SDK1: variants seen among roughly 807,000 people sequenced by gnomAD.
SDK1 encodes protein sidekick-1.
SDK1 carries 157 observed loss-of-function variants against 245.5 expected under a neutral mutation model. The observed-to-expected ratio is 0.64, with a 90% CI of 0.56 to 0.73. The LOEUF (loss-of-function observed/expected upper bound fraction) is 0.73, where lower values mean the gene tolerates loss of function less well. Ranked by LOEUF, SDK1 falls within the 30% of genes least tolerant of loss-of-function variation. SDK1 has a pLI of 0.00. For missense variants in SDK1, 3,583 were observed against 3,002.3 expected (o/e 1.19, Z -4.52); for synonymous variants, 1,647 against 1,278.5 (o/e 1.29, Z -6.15).
intron 32 of SDK1, among the ~76,000 whole-genome samples, chr7:4,169,304 C>G (rs1301835103): frequency 1.3e-5 from 2 of 152,198 alleles, no homozygotes; most frequent in Non-Finnish European, 2.9e-5. Context: ...TGACCCGGCA[C>G]TTGGGCTAGT....
Position 4,158,562 on chromosome 7 carries a change from C to T in SDK1, c.4729+11C>T, listed in dbSNP as rs371870618. 1.9e-4 allele frequency: 309 copies of T among 1,600,534 alleles called. No homozygotes were observed. The highest frequency in any genetic ancestry group is 2.4e-4 in the Non-Finnish European group (279 of 1,168,716). ...CCACGCTGCAGGATGGTGAGCAACC[C>T]GGGGCCCAGACCGCGTTCCTGGCCG... On this transcript the variant is annotated intron_variant, in intron 31 of 44. Transcript: ENST00000404826.
chr7:3,642,757 C>A (rs551341881), intron 4 of SDK1: 1 of 152,178 alleles, frequency 6.6e-6, no homozygotes, highest in Non-Finnish European at 1.5e-5. Context: ...TTAAAAAGAA[C>A]ACTTGGTATA....
intron 4 of SDK1, among the ~76,000 whole-genome samples, chr7:3,816,720 G>C (rs988380647): frequency 4.6e-5 from 7 of 152,210 alleles, no homozygotes; most frequent in Non-Finnish European, 8.8e-5. Context: ...GCTAAGGAAA[G>C]TTCATCAGTT....
intron 1 of SDK1, among the ~76,000 whole-genome samples, chr7:3,568,845 A>T (rs1780010161): frequency 2.0e-5 from 3 of 152,216 alleles, no homozygotes; most frequent in African/African-American, 4.8e-5. Flanking sequence ...TTTTGCCCCT[A>T]GCTAGGAGCA....
At chr7:3,772,308 T>A (rs73306124) in intron 4 of SDK1, among the ~76,000 whole-genome samples, 1,589 of 152,236 alleles carry the variant, frequency 0.01, 27 homozygotes, top group African/African-American at 0.036. Context: ...TGACATTTGG[T>A]ATCCTAAAGT....
chr7:4,141,671 G>T lies in SDK1; in HGVS notation c.4229-4051G>T, dbSNP rs115257010. 2.5e-3 allele frequency among the ~76,000 whole-genome samples: 379 copies of T among 152,322 alleles called. 1 individual carries two copies. The highest frequency in any genetic ancestry group is 8.9e-3 in the African/African-American group (370 of 41,572). The stretch of plus-strand genomic sequence containing the variant: ...GTTCCTGGCCATCGGGGATGCTGGG[G>T]AAGGCCCTCGTTAGTCGTCTGTCGG... On this transcript the variant is annotated intron_variant, in intron 28 of 44. Transcript: ENST00000404826.
At chr7:3,933,410 G>A (rs908143675) in intron 5 of SDK1, among the ~76,000 whole-genome samples, 1 of 152,170 alleles carries the variant, frequency 6.6e-6, no homozygotes, top group African/African-American at 2.4e-5. Context: ...GCTGCACCCA[G>A]CTGATCCTGG....
intron 4 of SDK1, among the ~76,000 whole-genome samples, chr7:3,820,549 A>G: frequency 6.6e-6 from 1 of 152,210 alleles, no homozygotes; most frequent in East Asian, 1.9e-4. Context: ...CCCATTTCAA[A>G]TAAAAGTTCC....
chr7:4,098,320 C>G lies in SDK1; in HGVS notation c.3325-12343C>G, dbSNP rs537185400. Among the ~76,000 whole-genome samples, 3 of 152,286 alleles carry G rather than the reference C, an allele frequency of 2.0e-5. No homozygotes were observed. In the South Asian group the frequency reaches 6.2e-4, roughly 32 times the overall value. On this transcript the variant is annotated intron_variant, in intron 22 of 44. Transcript: ENST00000404826. The stretch of plus-strand genomic sequence containing the variant: ...AATAGAGGTCAACGTATATATAAAT[C>G]ACAACCGTCAAACCAAATTAAATTT...
chr7:4,050,800 T>C (rs981024566), intron 18 of SDK1, among the ~76,000 whole-genome samples: 3 of 150,124 alleles, frequency 2.0e-5, no homozygotes, highest in Non-Finnish European at 3.0e-5. Flanking sequence ...CATTGTGCTG[T>C]TTCAGCTGAA....
At position 3,974,561 on chromosome 7, in the gene SDK1, T is replaced by C. The variant is rs754644286; in HGVS notation, c.1994+16T>C. The C allele has an allele frequency of 5.6e-6, 9 of 1,612,350 alleles. No homozygotes were observed. The highest frequency in any genetic ancestry group is 6.8e-6 in the Non-Finnish European group (8 of 1,178,750). On this transcript the variant is annotated intron_variant, in intron 13 of 44. Coordinates refer to ENST00000404826, the MANE Select transcript of SDK1 (RefSeq NM_152744.4). ...TGGAAGTGATGTGAGTACTGAGACG[T>C]TTGGTGTTAGCCAGTCCGCGGTTTT...
Position 4,012,148 on chromosome 7 carries a change from G to C in SDK1, c.2333G>C (p.Ser778Thr). Residue 778 changes from serine (S) to threonine (T), a missense_variant, in exon 16 of 45, where the codon AGT (serine) becomes ACT (threonine). By Grantham distance (58) the Ser-to-Thr change is moderately conservative. Coordinates refer to ENST00000404826, the MANE Select transcript of SDK1 (RefSeq NM_152744.4). ...PSAPPKNIVA[S>T]GRTNQSIMVQ... is the part of the protein sequence containing the mutation. ...GCTCCCCCGAAAAATATAGTGGCCA[G>C]TGGGCGGACTAATCAGTCCATTATG... 1.9e-6 allele frequency: 3 copies of C among 1,579,072 alleles called. No individual in the cohort carries two copies. Among genetic ancestry groups the C allele is most frequent in the Non-Finnish European group, 2.6e-6 (3 of 1,162,960 alleles).
chr7:4,198,301 G>A (rs137958121), intron 35 of SDK1, among the ~76,000 whole-genome samples: 1 of 152,298 alleles, frequency 6.6e-6, no homozygotes, highest in East Asian at 1.9e-4. Context: ...AGTTCCCACT[G>A]CACCCCTGAC....
At chr7:4,224,824 T>C (rs1785329290) in intron 40 of SDK1, among the ~76,000 whole-genome samples, 1 of 150,276 alleles carries the variant, frequency 6.7e-6, no homozygotes. Flanking sequence ...GTACTACAAA[T>C]AGAAAAAAAT....
chr7:3,791,047 G>C lies in SDK1; in HGVS notation c.714-30403G>C, dbSNP rs187044498. ...GCTTCAGTATCCTCATCGGTAAATT[G>C]GGTCTAACAGCAGTGCCTAGTTCCT... On this transcript the variant is annotated intron_variant, in intron 4 of 44. Transcript: ENST00000404826. Among the ~76,000 whole-genome samples the C allele has an allele frequency of 1.2e-3, 186 of 152,120 alleles. 1 individual carries two copies. The Middle Eastern group carries it at 0.048, about 39-fold the overall frequency.
chr7:3,936,615 G>A (rs534692297), intron 5 of SDK1, among the ~76,000 whole-genome samples: 1 of 151,942 alleles, frequency 6.6e-6, no homozygotes, highest in African/African-American at 2.4e-5. Flanking sequence ...GAGATGTATA[G>A]TGGTGATGGC....
intron 35 of SDK1, among the ~76,000 whole-genome samples, chr7:4,204,565 C>T (rs1427539872): frequency 6.6e-6 from 1 of 152,170 alleles, no homozygotes; most frequent in Non-Finnish European, 1.5e-5. Context: ...GTCCTGAGGT[C>T]AGTCTCTCCC....
chr7:3,946,605 C>G (rs1176209309), intron 5 of SDK1, among the ~76,000 whole-genome samples: 1 of 152,146 alleles, frequency 6.6e-6, no homozygotes, highest in East Asian at 1.9e-4. Flanking sequence ...ATGTAAGCCA[C>G]TAAGCCTGGC....
At chr7:3,928,188 C>T (rs1370064120) in intron 5 of SDK1, among the ~76,000 whole-genome samples, 2 of 152,148 alleles carry the variant, frequency 1.3e-5, no homozygotes, top group South Asian at 2.1e-4. Flanking sequence ...AAATTATACT[C>T]ATTATCTACT....
Sources: allele counts gnomAD v4.1 joint callset (sites outside exome capture counted in the v4.1 genomes callset), GRCh38; gene constraint gnomAD v4.1.1; transcripts MANE v1.5; gene names NCBI Gene and HGNC (gene_info 2026-07-23, HGNC 2026-07-21).